PREX1: variants seen among roughly 807,000 people sequenced by gnomAD.
PREX1 encodes the protein phosphatidylinositol 3,4,5-trisphosphate-dependent Rac exchanger 1 protein.
A neutral mutation model predicts 198.3 loss-of-function variants in PREX1; 41 were observed. That is an observed-to-expected ratio of 0.21 (90% CI 0.16 to 0.27). PREX1 has a LOEUF of 0.27. Ranked by LOEUF, PREX1 falls within the 10% of genes least tolerant of loss-of-function variation. The probability of loss-of-function intolerance (pLI) is 1.00; values close to 1 mark genes in which losing one functional copy is unlikely to be tolerated. For missense variants in PREX1, 1,620 were observed against 2,200.7 expected (o/e 0.74, Z 5.28); for synonymous variants, 843 against 887.2 (o/e 0.95, Z 0.89).
chr20:48,672,196 C>T (rs1203588095), intron 14 of PREX1, among the ~76,000 whole-genome samples: 1 of 152,240 alleles, frequency 6.6e-6, no homozygotes, highest in Non-Finnish European at 1.5e-5. Context: ...TCCCGCACAC[C>T]TGCCTCTTTC....
chr20:48,632,722 G>T, intron 33 of PREX1, 83 bp from the exon 34 acceptor site: 1 of 1,496,502 alleles, frequency 6.7e-7, no homozygotes, highest in East Asian at 2.3e-5. Flanking sequence ...AGAACAGCTG[G>T]CACCTCCCTG....
At chr20:48,856,202 C>T in the PREX1 span, among the ~76,000 whole-genome samples, 1 of 152,244 alleles carries the variant, frequency 6.6e-6, no homozygotes, top group Non-Finnish European at 1.5e-5. Flanking sequence ...GCCTTGCTGT[C>T]TCCTCCTTTC....
intron 1 of PREX1, among the ~76,000 whole-genome samples, chr20:48,768,247 T>C (rs2090218080): frequency 6.6e-6 from 1 of 152,102 alleles, no homozygotes. Flanking sequence ...TGGAACACAA[T>C]AAAAACTCAA....
rs759689507 is a variant in PREX1, at chr20:48,689,927, GTGTGACATATA to G, written c.1186+1009_1186+1019del. ...GGGAGAAGAGAGGAGAAGCGGATGG[GTGTGACATATA>G]TGTGAAAGGCAGAGTTACAGGGACT... On this transcript the variant is annotated intron_variant, in intron 9 of 39. Coordinates refer to ENST00000371941, the MANE Select transcript of PREX1 (RefSeq NM_020820.4). 5.3e-5 allele frequency among the ~76,000 whole-genome samples: 8 copies of G among 152,338 alleles called. No homozygotes were observed. In the Middle Eastern group the frequency reaches 0.024, roughly 453 times the overall value.
upstream of PREX1, among the ~76,000 whole-genome samples, chr20:48,828,342 G>A (rs1051820215): frequency 3.3e-5 from 5 of 151,998 alleles, no homozygotes; most frequent in African/African-American, 1.2e-4. Context: ...CGCAGTCACC[G>A]CGGGCTACGC....
intron 11 of PREX1, among the ~76,000 whole-genome samples, chr20:48,680,317 T>C (rs556281961): frequency 6.6e-6 from 1 of 152,150 alleles, no homozygotes; most frequent in Admixed American, 6.5e-5. Context: ...AGCAGCCTCT[T>C]TGCTGGGCTC....
chr20:48,635,015 T>C (rs2089351200), intron 32 of PREX1, among the ~76,000 whole-genome samples: 1 of 152,158 alleles, frequency 6.6e-6, no homozygotes, highest in African/African-American at 2.4e-5. Context: ...CCTAGTAAAG[T>C]CACTGCCTCT....
At chr20:48,682,240 G>C (rs1020984065) in intron 10 of PREX1, among the ~76,000 whole-genome samples, 2 of 152,142 alleles carry the variant, frequency 1.3e-5, no homozygotes, top group Admixed American at 1.3e-4. Flanking sequence ...AGCTCTTCAT[G>C]CAACTGTGCC....
intron 1 of PREX1, among the ~76,000 whole-genome samples, chr20:48,785,871 G>A (rs2090309823): frequency 6.6e-6 from 1 of 152,184 alleles, no homozygotes; most frequent in South Asian, 2.1e-4. Flanking sequence ...GGAGACGGAG[G>A]GCACAGGAAG....
chr20:48,852,190 G>A, the PREX1 span, among the ~76,000 whole-genome samples: 1 of 151,838 alleles, frequency 6.6e-6, no homozygotes, highest in Non-Finnish European at 1.5e-5. Context: ...TGTCACCCAG[G>A]ACCCCAAAAA....
At chr20:48,634,194 G>GGATC (rs1386208274) in intron 33 of PREX1, among the ~76,000 whole-genome samples, 14 of 151,138 alleles carry the variant, frequency 9.3e-5, no homozygotes, top group African/African-American at 3.4e-4. Flanking sequence ...ATGGATGGAT[G>GGATC]GATGGATAAA....
intron 1 of PREX1, among the ~76,000 whole-genome samples, chr20:48,761,648 C>A (rs1168391705): frequency 1.3e-5 from 2 of 152,138 alleles, no homozygotes; most frequent in African/African-American, 4.8e-5. Flanking sequence ...GAGAGGAACC[C>A]AATGCTTTTC....
In PREX1 at chr20:48,636,572, T is replaced by C. The variant is rs1204612641; in HGVS notation, c.4058A>G (p.Asn1353Ser). 1.2e-6 allele frequency: 2 copies of C among 1,611,918 alleles called. No homozygotes were observed. The highest frequency in any genetic ancestry group is 1.3e-5 in the African/African-American group (1 of 74,920). Residue 1353 changes from asparagine to serine, a missense_variant, in exon 32 of 40, where the codon AAT (asparagine) becomes AGT (serine). By Grantham distance (46) the Asn-to-Ser change is conservative (BLOSUM62 1). Coordinates refer to ENST00000371941, the MANE Select transcript of PREX1 (RefSeq NM_020820.4). ...LAALGYRYNN[N>S]GEYEESSRDA... ...GCGGCTGCTCTCCTCGTACTCGCCATTGTTGTTGTAGCGGTAGCCCAGGGC... is the reference window on the plus strand; with the variant it reads ...GCGGCTGCTCTCCTCGTACTCGCCACTGTTGTTGTAGCGGTAGCCCAGGGC...
chr20:48,810,345 G>A (rs1202211821), intron 1 of PREX1, among the ~76,000 whole-genome samples: 8 of 151,992 alleles, frequency 5.3e-5, no homozygotes, highest in Non-Finnish European at 1.5e-5. Flanking sequence ...CACTTTGGGA[G>A]GCTGAGGCAG....
At chr20:48,661,437 A>T (rs2089591254) in intron 15 of PREX1, among the ~76,000 whole-genome samples, 1 of 105,590 alleles carries the variant, frequency 9.5e-6, no homozygotes, top group Non-Finnish European at 1.7e-5. Context: ...AAAAAAAAAA[A>T]AAAAAAAATA....
chr20:48,671,473 T>C (rs183266828), intron 14 of PREX1, among the ~76,000 whole-genome samples: 83 of 152,236 alleles, frequency 5.5e-4, no homozygotes, highest in Non-Finnish European at 9.7e-4. Context: ...GAGAAGAATA[T>C]CGTATTAATA....
intron 15 of PREX1, among the ~76,000 whole-genome samples, chr20:48,661,323 G>A (rs2089589212): frequency 1.4e-5 from 2 of 147,230 alleles, no homozygotes; most frequent in African/African-American, 5.1e-5. Context: ...CAAGGCTGAG[G>A]CAGGAGAACT....
Position 48,692,723 on chromosome 20 carries a change from C to T in PREX1, c.985G>A (p.Gly329Ser), listed in dbSNP as rs750309804. ...SINGSLYIFR[G>S]RINTEVMEVE... is the part of the protein sequence containing the mutation. ...TCCATGACTTCAGTGTTGATTCGAC[C>T]CCTGAAGATGTAGAGGGAGCCGTTG... The change falls in exon 8 of 40, where the codon GGT (glycine) becomes AGT (serine). Residue 329 changes from glycine (G) to serine (S), a missense_variant. By Grantham distance (56) the Gly-to-Ser change is moderately conservative. Transcript: ENST00000371941. 6.2e-7 allele frequency: 1 copy of T among 1,614,046 alleles called. No homozygotes were observed. The highest frequency in any genetic ancestry group is 1.1e-5 in the South Asian group (1 of 91,046).
At chr20:48,671,650 C>T (rs931787298) in intron 14 of PREX1, among the ~76,000 whole-genome samples, 11 of 152,232 alleles carry the variant, frequency 7.2e-5, no homozygotes, top group African/African-American at 2.4e-4. Flanking sequence ...CACTTTCCTG[C>T]TAAGATGCAA....
Sources: allele counts gnomAD v4.1 joint callset (sites outside exome capture counted in the v4.1 genomes callset), GRCh38; gene constraint gnomAD v4.1.1; transcripts MANE v1.5; gene names NCBI Gene and HGNC (gene_info 2026-07-23, HGNC 2026-07-21).